RIC3: variants seen among roughly 807,000 people sequenced by gnomAD.
RIC3 encodes the protein protein RIC-3.
RIC3 carries 28 observed loss-of-function variants against 27.3 expected under a neutral mutation model. The observed-to-expected ratio is 1.02, with a 90% CI of 0.76 to 1.41. The LOEUF (loss-of-function observed/expected upper bound fraction) is 1.41, where lower values mean the gene tolerates loss of function less well. RIC3 is among the 40% of genes most tolerant of loss of function. RIC3 has a pLI of 0.00. For missense variants in RIC3, 501 were observed against 444.7 expected, an observed-to-expected ratio of 1.13 and a Z score of -1.14; for synonymous variants, 184 against 160.4, an observed-to-expected ratio of 1.15 and a Z score of -1.11.
At chr11:8,134,500 T>C (rs551560706) in intron 4 of RIC3, among the ~76,000 whole-genome samples, 2 of 152,180 alleles carry the variant, frequency 1.3e-5, no homozygotes, top group Non-Finnish European at 2.9e-5. Context: ...TAATCCTTTC[T>C]GTATATACCC....
chr11:8,141,246 A>G (rs138747433), intron 1 of RIC3, among the ~76,000 whole-genome samples: 10,329 of 152,114 alleles, frequency 0.068, 396 homozygotes, highest in South Asian at 0.11. Context: ...CAAATTGGAT[A>G]AAGTCAAGAC....
the RIC3 span, chr11:8,095,701 C>T: frequency 6.4e-7 from 1 of 1,555,052 alleles, no homozygotes; most frequent in East Asian, 2.4e-5. Flanking sequence ...ACCCCCAAAA[C>T]TCAGTCCCAG....
chr11:8,098,684 G>A, the RIC3 span: 8 of 1,163,282 alleles, frequency 6.9e-6, no homozygotes, highest in African/African-American at 7.6e-5. Flanking sequence ...GCTCCTCATA[G>A]GACAGACGAT....
rs964959842 is a variant in RIC3 at position 8,106,887 on chromosome 11, C to T, written c.*3811G>A. 3 of 152,194 alleles carry T rather than the reference C, an allele frequency of 2.0e-5. No individual in the cohort carries two copies. Among genetic ancestry groups the T allele is most frequent in the Non-Finnish European group, 2.9e-5 (2 of 68,042 alleles). 9.4% of individuals were successfully genotyped at this position (152,194 alleles called of 1,614,324 possible). A position where few individuals can be genotyped will look rare whatever the true frequency, so the allele number is the denominator to read the frequency against. Reference sequence around the variant, plus strand: ...TTAGAGGGTGTCAGGTGTGACATCTCAGCAACACTGGACTTGACAGAGTGG... The same window carrying T: ...TTAGAGGGTGTCAGGTGTGACATCTTAGCAACACTGGACTTGACAGAGTGG... On this transcript the variant is annotated 3_prime_UTR_variant, in exon 6 of 6. Coordinates refer to ENST00000309737, the MANE Select transcript of RIC3 (RefSeq NM_001206671.4).
chr11:8,096,557 G>A, the RIC3 span: 4 of 716,234 alleles, frequency 5.6e-6, no homozygotes, highest in African/African-American at 3.5e-5. Context: ...ATATGGCTAA[G>A]AGTGTGTGCA....
At position 8,126,049 on chromosome 11, in the gene RIC3, A is replaced by C. The variant is rs116779554; in HGVS notation, c.670+610T>G. ...TGAGACTGTCTTGAAAAACAAAAACAAAGTTAAATATACAATTACCTTAAA... is the reference window on the plus strand; with the variant it reads ...TGAGACTGTCTTGAAAAACAAAAACCAAGTTAAATATACAATTACCTTAAA... On this transcript the variant is annotated intron_variant, in intron 5 of 5. Transcript: ENST00000309737. Among the ~76,000 whole-genome samples, 401 of 152,276 alleles carry C rather than the reference A, an allele frequency of 2.6e-3. 2 individuals are homozygous for C. The highest frequency in any genetic ancestry group is 9.3e-3 in the African/African-American group (387 of 41,546).
At chr11:8,132,813 T>C (rs963532290) in intron 4 of RIC3, among the ~76,000 whole-genome samples, 1 of 152,204 alleles carries the variant, frequency 6.6e-6, no homozygotes, top group East Asian at 1.9e-4. Flanking sequence ...TGTGATACAA[T>C]TTTGATCTGA....
At chr11:8,154,920 G>T (rs1209031090) in intron 1 of RIC3, among the ~76,000 whole-genome samples, 3 of 152,100 alleles carry the variant, frequency 2.0e-5, no homozygotes, top group Non-Finnish European at 4.4e-5. Context: ...ATTGTTTATT[G>T]AAAGCTTTGC....
intron 1 of RIC3, among the ~76,000 whole-genome samples, chr11:8,161,536 T>G (rs1951163405): frequency 6.6e-6 from 1 of 152,226 alleles, no homozygotes; most frequent in South Asian, 2.1e-4. Flanking sequence ...ATATCCATAT[T>G]TTCCTTTGGG....
Position 8,110,445 on chromosome 11 carries a change from A to T in RIC3, c.*253T>A. ...TAGACCAAACATAATTACTTAATGG[A>T]TCAACTTCTCTGATAGAGGAAAGGC... On this transcript the variant is annotated 3_prime_UTR_variant, in exon 6 of 6. Transcript: ENST00000309737. 1.7e-6 allele frequency: 1 copy of T among 573,468 alleles called. No homozygotes were observed. The highest frequency in any genetic ancestry group is 3.0e-5 in the East Asian group (1 of 32,832). The allele number at this position is 573,468 out of a possible 1,614,324, so 35.5% of individuals were successfully genotyped here.
chr11:8,097,341 C>T, the RIC3 span: 3 of 1,614,078 alleles, frequency 1.9e-6, no homozygotes, highest in Admixed American at 1.7e-5. Flanking sequence ...CCATCAAATG[C>T]CGCATCACTC....
chr11:8,167,473 C>A (rs1484809026), intron 1 of RIC3, among the ~76,000 whole-genome samples: 1 of 152,014 alleles, frequency 6.6e-6, no homozygotes, highest in South Asian at 2.1e-4. Context: ...ATAAAGAGAA[C>A]TGAAGGTACA....
intron 5 of RIC3, among the ~76,000 whole-genome samples, chr11:8,118,852 C>T (rs367898560): frequency 7.5e-5 from 11 of 147,290 alleles, no homozygotes; most frequent in East Asian, 2.0e-4. Flanking sequence ...GCCTGGGAGA[C>T]GGAGTGAGAC....
downstream of RIC3, chr11:8,101,657 G>A (rs755336091): frequency 3.1e-6 from 5 of 1,609,048 alleles, no homozygotes; most frequent in Non-Finnish European, 4.2e-6. Flanking sequence ...CCAGCCTGGA[G>A]CGGAGCTTGC....
At chr11:8,164,450 T>C (rs1392634070) in intron 1 of RIC3, among the ~76,000 whole-genome samples, 1 of 152,118 alleles carries the variant, frequency 6.6e-6, no homozygotes, top group Non-Finnish European at 1.5e-5. Context: ...GATTTGTACC[T>C]AGAATATACA....
chr11:8,152,686 T>C (rs575983139), intron 1 of RIC3, among the ~76,000 whole-genome samples: 33 of 152,182 alleles, frequency 2.2e-4, no homozygotes, highest in Non-Finnish European at 4.6e-4. Context: ...TCTACGAATA[T>C]ACTAAAAACT....
the RIC3 span, among the ~76,000 whole-genome samples, chr11:8,099,251 G>A: frequency 2.1e-3 from 326 of 152,262 alleles, no homozygotes; most frequent in South Asian, 4.1e-3. Context: ...CTCACTGAAC[G>A]TTCAACCTAA....
At chr11:8,161,884 C>T (rs1030770186) in intron 1 of RIC3, among the ~76,000 whole-genome samples, 12 of 150,664 alleles carry the variant, frequency 8.0e-5, no homozygotes, top group African/African-American at 2.9e-4. Context: ...AGGTAATGTC[C>T]GAAACTGTTG....
chr11:8,113,665 C>A (rs1945514124), intron 5 of RIC3, among the ~76,000 whole-genome samples: 2 of 152,178 alleles, frequency 1.3e-5, no homozygotes, highest in African/African-American at 2.4e-5. Context: ...ATCCAGCAGA[C>A]CCTGGGTCTA....
Sources: allele counts gnomAD v4.1 joint callset (sites outside exome capture counted in the v4.1 genomes callset), GRCh38; gene constraint gnomAD v4.1.1; transcripts MANE v1.5; gene names NCBI Gene and HGNC (gene_info 2026-07-23, HGNC 2026-07-21).